MRPS18A: variants seen among roughly 807,000 people sequenced by gnomAD.
MRPS18A encodes the protein large ribosomal subunit protein mL66.
A neutral mutation model predicts 22.7 loss-of-function variants in MRPS18A; 20 were observed. The ratio of observed to expected loss-of-function variants is 0.88; its 90% CI spans 0.62 to 1.28. MRPS18A has a LOEUF of 1.28. Ranked by LOEUF, MRPS18A falls within the 50% of genes most tolerant of loss-of-function variation. The pLI, the probability that MRPS18A is intolerant of heterozygous loss-of-function variation, is 0.00. For missense variants in MRPS18A, 294 were observed against 262.6 expected, an observed-to-expected ratio of 1.12 and a Z score of -0.83; for synonymous variants, 106 against 99.1, an observed-to-expected ratio of 1.07 and a Z score of -0.41.
chr6:43,680,738 T>A (rs1712482074), intron 2 of MRPS18A, among the ~76,000 whole-genome samples: 1 of 152,256 alleles, frequency 6.6e-6, no homozygotes, highest in South Asian at 2.1e-4. Flanking sequence ...CTCTTGGCTC[T>A]GGGTCAACTT....
intron 3 of MRPS18A, among the ~76,000 whole-genome samples, chr6:43,677,372 C>T (rs1282112662): frequency 6.6e-6 from 1 of 152,214 alleles, no homozygotes; most frequent in African/African-American, 2.4e-5. Flanking sequence ...GTTCAGATCC[C>T]ATGGGCATGT....
Position 43,671,822 on chromosome 6 carries a change from C to T in MRPS18A, c.531G>A (p.Gly177=). ...AGACATTGTCCCTCAGAAGGGGTGA[C>T]CCCACGGGCATGCGCACCCTGTTCC... ...PRWNRVRMPV[G]SPLLRDNVCY... Residue 177 remains glycine (G), a synonymous_variant, in exon 6 of 6, where the codon GGG becomes GGA. Transcript: ENST00000372133. The T allele has an allele frequency of 6.2e-7, 1 of 1,614,204 alleles. No homozygotes were observed. Among genetic ancestry groups the T allele is most frequent in the Non-Finnish European group, 8.5e-7 (1 of 1,180,036 alleles).
Position 43,675,500 on chromosome 6 carries a change from G to A in MRPS18A, c.370C>T (p.Arg124Ter), listed in dbSNP as rs756259629. ...GGTCCCCAGGGCCTTCTACCTGCTC[G>A]GTGGGCCATCTTCACACACTCCTCG... Reference protein sequence around the residue: ...KIEECVKMAHRAGLLPNHRPR... With the variant: ...KIEECVKMAH Residue 124 changes from arginine to a stop codon, truncating the protein, a stop_gained, in exon 4 of 6, where the codon CGA becomes TGA. Transcript: ENST00000372133. LOFTEE classifies it high-confidence loss of function. 24 of 1,614,076 alleles carry A rather than the reference G, an allele frequency of 1.5e-5. No homozygotes were observed. Among genetic ancestry groups the A allele is most frequent in the Non-Finnish European group, 1.9e-5 (23 of 1,180,040 alleles).
intron 5 of MRPS18A, chr6:43,672,314 C>T (rs1773767492): frequency 2.2e-6 from 1 of 459,800 alleles, no homozygotes; most frequent in Non-Finnish European, 4.6e-6. Context: ...ATTTGGCTCA[C>T]TCAGCTACCC....
rs574427121 is a variant in MRPS18A at position 43,671,995 on chromosome 6, C to T, written c.447-89G>A. On this transcript the variant is annotated intron_variant, in intron 5 of 5. Coordinates refer to ENST00000372133, the MANE Select transcript of MRPS18A (RefSeq NM_018135.4). ...GGAGCACTACCTCCTCAGGCCAGGC[C>T]ACGGTTGGGCAAGCAAATCCTTTCA... 4.8e-4 allele frequency: 668 copies of T among 1,397,346 alleles called. 4 individuals are homozygous for T. The African/African-American group carries it at 7.7e-3, about 16-fold the overall frequency. The allele number at this position is 1,397,346 out of a possible 1,614,324, so 86.6% of individuals were successfully genotyped here.
At chr6:43,678,702 A>T in intron 2 of MRPS18A, 77 bp from the exon 3 acceptor site, 1 of 1,003,916 alleles carries the variant, frequency 1.0e-6, no homozygotes, top group Non-Finnish European at 1.5e-6. Context: ...CAAACCCCAA[A>T]ATGATGGTAA....
At chr6:43,674,415 T>G (rs1472327363) in intron 5 of MRPS18A, among the ~76,000 whole-genome samples, 1 of 152,180 alleles carries the variant, frequency 6.6e-6, no homozygotes, top group East Asian at 1.9e-4. Flanking sequence ...AACCACCAGC[T>G]GGACAGGAGG....
intron 2 of MRPS18A, among the ~76,000 whole-genome samples, chr6:43,679,502 C>T (rs937256397): frequency 2.0e-5 from 3 of 152,226 alleles, no homozygotes; most frequent in Admixed American, 1.3e-4. Flanking sequence ...GCGAAATGAC[C>T]TCCCTATCGC....
chr6:43,675,740 C>T, intron 3 of MRPS18A, 123 bp from the exon 4 acceptor site: 1 of 1,174,778 alleles, frequency 8.5e-7, no homozygotes, highest in African/African-American at 1.5e-5. Context: ...AGATCACTTC[C>T]TCCACACAGA....
chr6:43,687,401 C>T (rs1774771125), intron 1 of MRPS18A, among the ~76,000 whole-genome samples: 1 of 152,154 alleles, frequency 6.6e-6, no homozygotes, highest in Admixed American at 6.5e-5. Flanking sequence ...TTTTCTGAGC[C>T]CTAGGACAGG....
rs1240896146 is a variant in MRPS18A at position 43,673,011 on chromosome 6, G to A, written c.447-1105C>T. Among the ~76,000 whole-genome samples the A allele has an allele frequency of 6.8e-6, 1 of 147,192 alleles. No homozygotes were observed. The highest frequency in any genetic ancestry group is 2.5e-5 in the African/African-American group (1 of 39,710). ...CTTTTTTTTTTTTTTTTTTTGAGGC[G>A]AAGTCTTGCTCTGTTGCCCAAGCTG... On this transcript the variant is annotated intron_variant, in intron 5 of 5. Transcript: ENST00000372133. This position sits in a 1 kb window ranked among gnomAD's most constrained non-coding sequence, Gnocchi z 4.2.
chr6:43,682,666 T>C (rs1386547470), intron 1 of MRPS18A, among the ~76,000 whole-genome samples: 1 of 152,218 alleles, frequency 6.6e-6, no homozygotes, highest in African/African-American at 2.4e-5. Context: ...CGGATCTACT[T>C]GTACAGAACA....
chr6:43,684,978 G>A (rs930072476), intron 1 of MRPS18A, among the ~76,000 whole-genome samples: 13 of 152,140 alleles, frequency 8.5e-5, no homozygotes, highest in Admixed American at 2.6e-4. Context: ...GCACTAAATG[G>A]TCTTTGGCAA....
At position 43,671,827 on chromosome 6, in the gene MRPS18A, C is replaced by T. The variant is rs368981865; in HGVS notation, c.526G>A (p.Val176Met). 3.0e-5 allele frequency: 49 copies of T among 1,614,178 alleles called. No homozygotes were observed. Among genetic ancestry groups the T allele is most frequent in the Middle Eastern group, 1.6e-4 (1 of 6,062 alleles). ...TTGTCCCTCAGAAGGGGTGACCCCA[C>T]GGGCATGCGCACCCTGTTCCAGCGG... ...GPRWNRVRMP[V>M]GSPLLRDNVC... is the part of the protein sequence containing the mutation. The change falls in exon 6 of 6, where the codon GTG (valine) becomes ATG (methionine). Residue 176 changes from valine (V) to methionine (M), a missense_variant. By Grantham distance (21) the Val-to-Met change is conservative. Coordinates refer to ENST00000372133, the MANE Select transcript of MRPS18A (RefSeq NM_018135.4).
chr6:43,680,026 G>A (rs1226537851), intron 2 of MRPS18A, among the ~76,000 whole-genome samples: 3 of 152,154 alleles, frequency 2.0e-5, no homozygotes, highest in African/African-American at 4.8e-5. Context: ...TGGCCATGCC[G>A]CTAAAGGCAT....
At chr6:43,677,839 T>C (rs1327463839) in intron 3 of MRPS18A, among the ~76,000 whole-genome samples, 1 of 151,808 alleles carries the variant, frequency 6.6e-6, no homozygotes, top group Non-Finnish European at 1.5e-5. Context: ...ATGCACTCAA[T>C]GTTAGCTGTT....
At chr6:43,686,557 A>G (rs1774709077) in intron 1 of MRPS18A, among the ~76,000 whole-genome samples, 1 of 152,194 alleles carries the variant, frequency 6.6e-6, no homozygotes, top group Non-Finnish European at 1.5e-5. Context: ...CACTCTATTG[A>G]AATTGCTGTT....
In MRPS18A at chr6:43,673,050, C is replaced by T. The variant is rs567863722; in HGVS notation, c.447-1144G>A. Reference sequence around the variant, plus strand: ...TTGCCCAAGCTGGAGTGCAGTGGCGCGATCTCGGCTCACTGCAACTTCCGC... The same window carrying T: ...TTGCCCAAGCTGGAGTGCAGTGGCGTGATCTCGGCTCACTGCAACTTCCGC... On this transcript the variant is annotated intron_variant, in intron 5 of 5. Transcript: ENST00000372133. The surrounding 1 kb of genome is among the most constrained non-coding windows in gnomAD (Gnocchi z 4.2). 7.8e-4 allele frequency among the ~76,000 whole-genome samples: 116 copies of T among 148,518 alleles called. No homozygotes were observed. The highest frequency in any genetic ancestry group is 2.1e-3 in the Admixed American group (31 of 14,762).
chr6:43,679,585 G>C (rs563991891), intron 2 of MRPS18A, among the ~76,000 whole-genome samples: 12 of 152,294 alleles, frequency 7.9e-5, no homozygotes, highest in Non-Finnish European at 1.3e-4. Flanking sequence ...AGCTCCAATT[G>C]CAAGAGGGGA....
Sources: gnomAD v4.1 joint callset for allele counts (sites outside exome capture counted in the v4.1 genomes callset) on GRCh38, gnomAD v4.1.1 for gene constraint, Gnocchi (gnomAD v3.1) non-coding constraint, MANE v1.5 for transcripts, NCBI Gene and HGNC (gene_info 2026-07-23, HGNC 2026-07-21) for gene names.